Variants in DPH6 observed in about 807,000 individuals in gnomAD.
The protein encoded by DPH6 is diphthine--ammonia ligase.
In DPH6, 33 loss-of-function variants were observed where a neutral mutation model predicts 38.2. The observed-to-expected ratio is 0.86, with a 90% CI of 0.65 to 1.15. The LOEUF is 1.15. Among genes scored for constraint, DPH6 ranks in the 50% most tolerant of loss-of-function variants. The pLI, the probability that DPH6 is intolerant of heterozygous loss-of-function variation, is 0.00. For missense variants in DPH6, 325 were observed against 320.0 expected, an observed-to-expected ratio of 1.02 and a Z score of -0.12; for synonymous variants, 108 against 103.0, an observed-to-expected ratio of 1.05 and a Z score of -0.30.
Position 35,304,644 on chromosome 15 carries a change from C to T in DPH6, n.200+68877G>A, listed in dbSNP as rs372388705. Among the ~76,000 whole-genome samples, 20 of 152,060 alleles carry T rather than the reference C, an allele frequency of 1.3e-4. No individual in the cohort carries two copies. In the East Asian group the frequency reaches 3.5e-3, roughly 27 times the overall value. On this transcript the variant is annotated intron_variant and non_coding_transcript_variant, in intron 3 of 3. Transcript: ENST00000560386. ...TACCACAGTTAAGTATATTCTAATC[C>T]TGTTTATACCCAGCATTACTCCTGA...
the DPH6 span, among the ~76,000 whole-genome samples, chr15:35,161,146 T>TA: frequency 2.4e-4 from 36 of 151,672 alleles, no homozygotes; most frequent in South Asian, 4.1e-4. Flanking sequence ...ATAATAATAA[T>TA]AAAAAAAACA....
At chr15:35,227,785 C>A (rs558717279) in intron 3 of DPH6, among the ~76,000 whole-genome samples, 53 of 151,836 alleles carry the variant, frequency 3.5e-4, no homozygotes, top group African/African-American at 1.3e-3. Context: ...CTCTTAGTAC[C>A]ATTTTTGCTG....
At chr15:35,521,851 T>G (rs1368255735) in intron 3 of DPH6, 1 of 1,322,072 alleles carries the variant, frequency 7.6e-7, no homozygotes, top group East Asian at 2.8e-5. Flanking sequence ...AAAAGCAAAG[T>G]GATTAGCAGT....
At chr15:35,290,255 A>G (rs2051971217) in intron 3 of DPH6, among the ~76,000 whole-genome samples, 1 of 152,230 alleles carries the variant, frequency 6.6e-6, no homozygotes, top group African/African-American at 2.4e-5. Flanking sequence ...AAGAAGAGAC[A>G]GGAAGATCTT....
rs796523176 is a variant in DPH6 at position 35,381,303 on chromosome 15, A to G, written c.662+519T>C. On this transcript the variant is annotated intron_variant, in intron 7 of 8. Coordinates refer to ENST00000256538, the MANE Select transcript of DPH6 (RefSeq NM_080650.4). Reference sequence around the variant, plus strand: ...CACTAATTTTAACAATTTATGGCAAAGAAATCACACTACTCACCATCAACT... The same window carrying G: ...CACTAATTTTAACAATTTATGGCAAGGAAATCACACTACTCACCATCAACT... 5.9e-5 allele frequency among the ~76,000 whole-genome samples: 9 copies of G among 152,352 alleles called. 1 individual carries two copies. The highest frequency in any genetic ancestry group is 2.2e-4 in the African/African-American group (9 of 41,594).
At chr15:35,172,091 C>T in the DPH6 span, among the ~76,000 whole-genome samples, 1 of 152,098 alleles carries the variant, frequency 6.6e-6, no homozygotes, top group African/African-American at 2.4e-5. Flanking sequence ...TGGTCTTGAA[C>T]TCCTGACCTC....
At chr15:35,381,372 A>G (rs1443814324) in intron 7 of DPH6, among the ~76,000 whole-genome samples, 1 of 152,208 alleles carries the variant, frequency 6.6e-6, no homozygotes. Flanking sequence ...ATAACCCCAA[A>G]TAACTGAAGA....
intron 3 of DPH6, among the ~76,000 whole-genome samples, chr15:35,222,062 C>G (rs984740037): frequency 2.0e-4 from 30 of 152,178 alleles, no homozygotes; most frequent in African/African-American, 6.8e-4. Context: ...TTTCTCATTT[C>G]TGAGAGTTCA....
chr15:35,473,947 TGTGTGTGTGTGCGCGC>T (rs1262574403), intron 3 of DPH6, among the ~76,000 whole-genome samples: 3 of 42,274 alleles, frequency 7.1e-5, no homozygotes, highest in African/African-American at 1.8e-4. Context: ...TGTGTGTGTG[TGTGTGTGTGTGCGCGC>T]GCGCGCGTGA....
At chr15:35,267,414 A>AT (rs1741369468) in intron 3 of DPH6, among the ~76,000 whole-genome samples, 1 of 152,036 alleles carries the variant, frequency 6.6e-6, no homozygotes, top group Non-Finnish European at 1.5e-5. Flanking sequence ...TGCTGATGCT[A>AT]TTTTTTCACC....
chr15:35,492,753 AAATCTT>A (rs2054501874), intron 3 of DPH6, among the ~76,000 whole-genome samples: 5 of 152,140 alleles, frequency 3.3e-5, no homozygotes, highest in Non-Finnish European at 7.4e-5. Context: ...TACAAATAAG[AAATCTT>A]GAGTACAGAG....
intron 5 of DPH6, among the ~76,000 whole-genome samples, chr15:35,414,540 C>T (rs754705358): frequency 3.3e-5 from 5 of 151,774 alleles, no homozygotes; most frequent in African/African-American, 9.7e-5. Flanking sequence ...TGTCTTTCTT[C>T]AAATCTAGAG....
chr15:35,331,430 A>G (rs1295683168), intron 3 of DPH6, among the ~76,000 whole-genome samples: 2 of 152,218 alleles, frequency 1.3e-5, no homozygotes, highest in Non-Finnish European at 2.9e-5. Flanking sequence ...ACCACATAAC[A>G]TGTACATAGG....
intron 3 of DPH6, among the ~76,000 whole-genome samples, chr15:35,512,036 T>A (rs2054781904): frequency 6.6e-6 from 1 of 152,128 alleles, no homozygotes; most frequent in Non-Finnish European, 1.5e-5. Flanking sequence ...AGGGGAAGCA[T>A]AAAGTATTTT....
At chr15:35,314,134 G>A (rs986502407) in intron 3 of DPH6, among the ~76,000 whole-genome samples, 2 of 149,606 alleles carry the variant, frequency 1.3e-5, no homozygotes, top group African/African-American at 4.9e-5. Flanking sequence ...AAATGGTCAA[G>A]AGCTCTGAAT....
At chr15:35,211,664 A>T in the DPH6 span, among the ~76,000 whole-genome samples, 1 of 152,186 alleles carries the variant, frequency 6.6e-6, no homozygotes, top group Admixed American at 6.6e-5. Context: ...AATGGTTTTT[A>T]AAAAAACACT....
Position 35,542,458 on chromosome 15 carries a change from G to C in DPH6, c.73C>G (p.His25Asp), listed in dbSNP as rs2055266962. Reference protein sequence around the residue: ...YNMMQCIAAGHQIVALANLRP... With the variant: ...YNMMQCIAAGDQIVALANLRP... ...AGATTTGCTAAAGCAACGATCTGATGCCCAGCAGCAATGCACTGCATCATA... is the reference window on the plus strand; with the variant it reads ...AGATTTGCTAAAGCAACGATCTGATCCCCAGCAGCAATGCACTGCATCATA... The change falls in exon 2 of 9, where the codon CAT becomes GAT. Residue 25 changes from histidine to aspartate, a missense_variant. Coordinates refer to ENST00000256538, the MANE Select transcript of DPH6 (RefSeq NM_080650.4). 1 of 1,580,488 alleles carries C rather than the reference G, an allele frequency of 6.3e-7. No homozygotes were observed. Among genetic ancestry groups the C allele is most frequent in the African/African-American group, 1.3e-5 (1 of 74,408 alleles).
chr15:35,180,878 G>A, the DPH6 span, among the ~76,000 whole-genome samples: 1 of 152,120 alleles, frequency 6.6e-6, no homozygotes, highest in Non-Finnish European at 1.5e-5. Flanking sequence ...TATGGCCAAA[G>A]TGAAATAGGC....
intron 3 of DPH6, among the ~76,000 whole-genome samples, chr15:35,464,101 C>G (rs1595387142): frequency 6.6e-6 from 1 of 152,080 alleles, no homozygotes; most frequent in African/African-American, 2.4e-5. Flanking sequence ...CGAGACCATC[C>G]TGGCCAACAT....
Sources: allele counts gnomAD v4.1 joint callset (sites outside exome capture counted in the v4.1 genomes callset), GRCh38; gene constraint gnomAD v4.1.1; transcripts MANE v1.5; gene names NCBI Gene and HGNC (gene_info 2026-07-23, HGNC 2026-07-21).